The following ZNF827 variants were observed in gnomAD, a reference collection of about 807,000 sequenced individuals.
The protein encoded by ZNF827 is zinc finger protein 827.
In ZNF827, 13 loss-of-function variants were observed where a neutral mutation model predicts 102.4. That is an observed-to-expected ratio of 0.13 (90% CI 0.08 to 0.20). The LOEUF (loss-of-function observed/expected upper bound fraction) is 0.20. Among genes scored for constraint, ZNF827 ranks in the 10% least tolerant of loss-of-function variants. The pLI, the probability that ZNF827 is intolerant of heterozygous loss-of-function variation, is 1.00. For synonymous variants in ZNF827, 523 were observed against 536.2 expected (o/e 0.98, Z 0.34); for missense variants, 1,103 against 1,344.4 (o/e 0.82, Z 2.81).
chr4:145,840,048 T>C (rs1238250986), intron 7 of ZNF827, among the ~76,000 whole-genome samples: 1 of 152,174 alleles, frequency 6.6e-6, no homozygotes, highest in African/African-American at 2.4e-5. Context: ...AGTAGAGGAA[T>C]AGAACAAAGT....
Position 145,775,833 on chromosome 4 carries a change from G to A in ZNF827, c.2649C>T (p.Val883=). 6.2e-7 allele frequency: 1 copy of A among 1,614,194 alleles called. No individual in the cohort carries two copies. The stretch of plus-strand genomic sequence containing the variant: ...TCTTCCCATCACTGCCTTCAGAGGT[G>A]ACGGCGCTGACAATGTCCTCGGTGT... ...STDTEDIVSA[V]TSEGSDGKKH... is the part of the protein sequence containing the mutation. Residue 883 remains valine (V), a synonymous_variant, in exon 10 of 15, where the codon GTC becomes GTT. Transcript: ENST00000508784.
At chr4:145,933,768 A>G (rs1753967029) in intron 1 of ZNF827, among the ~76,000 whole-genome samples, 1 of 150,016 alleles carries the variant, frequency 6.7e-6, no homozygotes, top group Admixed American at 6.6e-5. Flanking sequence ...TAATGAAGAA[A>G]TAAGTGATCA....
chr4:145,868,696 A>C (rs1748420846), intron 5 of ZNF827, among the ~76,000 whole-genome samples: 1 of 152,152 alleles, frequency 6.6e-6, no homozygotes, highest in African/African-American at 2.4e-5. Flanking sequence ...TTGAAATCTC[A>C]TTTTTTGCAT....
intron 1 of ZNF827, among the ~76,000 whole-genome samples, chr4:145,929,035 A>T (rs1753627092): frequency 6.6e-6 from 1 of 152,210 alleles, no homozygotes; most frequent in Non-Finnish European, 1.5e-5. Flanking sequence ...TTTTTATATG[A>T]AACCTCCGAT....
At chr4:145,899,026 C>T (rs932713812) in intron 2 of ZNF827, among the ~76,000 whole-genome samples, 1 of 151,908 alleles carries the variant, frequency 6.6e-6, no homozygotes. Context: ...ATTTTTGTGG[C>T]TTTTTGTTGT....
At chr4:145,923,034 A>G (rs1753188512) in intron 1 of ZNF827, among the ~76,000 whole-genome samples, 1 of 152,212 alleles carries the variant, frequency 6.6e-6, no homozygotes, top group Non-Finnish European at 1.5e-5. Context: ...GTAGATCTAC[A>G]TAACTCAGTG....
intron 8 of ZNF827, among the ~76,000 whole-genome samples, chr4:145,805,863 A>G (rs1741381634): frequency 6.6e-6 from 1 of 152,068 alleles, no homozygotes; most frequent in Admixed American, 6.6e-5. Flanking sequence ...GAGGCAATAC[A>G]GGACTCTCTC....
At chr4:145,846,320 T>C (rs1745932829) in intron 6 of ZNF827, among the ~76,000 whole-genome samples, 1 of 150,978 alleles carries the variant, frequency 6.6e-6, no homozygotes, top group African/African-American at 2.4e-5. Flanking sequence ...CTACTAAAAA[T>C]ACAAAAAATT....
Position 145,768,732 on chromosome 4 carries a change from C to A in ZNF827, c.2861-2994G>T, listed in dbSNP as rs1318307065. Among the ~76,000 whole-genome samples, 3 of 148,566 alleles carry A rather than the reference C, an allele frequency of 2.0e-5. No homozygotes were observed. In the East Asian group the frequency reaches 5.9e-4, roughly 29 times the overall value. On this transcript the variant is annotated intron_variant, in intron 11 of 14. Transcript: ENST00000508784. ...AATTAGCCAGGTGTGGTGGCATATGCCTGTAATCCCAGCTACTTGGGAGGG... is the reference window on the plus strand; with the variant it reads ...AATTAGCCAGGTGTGGTGGCATATGACTGTAATCCCAGCTACTTGGGAGGG...
intron 1 of ZNF827, among the ~76,000 whole-genome samples, chr4:145,922,983 ATAT>A (rs1489394403): frequency 6.6e-6 from 1 of 152,200 alleles, no homozygotes; most frequent in Non-Finnish European, 1.5e-5. Context: ...GTTGATATTA[ATAT>A]TTTTTTTATA....
intron 4 of ZNF827, among the ~76,000 whole-genome samples, chr4:145,880,065 T>C (rs761512492): frequency 6.6e-5 from 10 of 152,098 alleles, no homozygotes; most frequent in Non-Finnish European, 1.5e-5. Context: ...TGAAACCCCA[T>C]CTCTACCAAA....
intron 1 of ZNF827, among the ~76,000 whole-genome samples, chr4:145,914,387 G>A (rs1331676579): frequency 6.6e-6 from 1 of 152,120 alleles, no homozygotes; most frequent in African/African-American, 2.4e-5. Context: ...TATTGTATGA[G>A]AATATTTTTT....
chr4:145,864,409 C>A (rs1459834134), intron 5 of ZNF827, among the ~76,000 whole-genome samples: 3 of 130,166 alleles, frequency 2.3e-5, no homozygotes, highest in African/African-American at 5.8e-5. Context: ...ACATAGCAGA[C>A]CTTGTCTCTA....
In ZNF827 at chr4:145,902,842, C is replaced by T. The variant is rs1239627232; in HGVS notation, c.417G>A (p.Thr139=). The change falls in exon 2 of 15, where the codon ACG becomes ACA. Residue 139 remains threonine, a synonymous_variant. Transcript: ENST00000508784. This position sits in a 1 kb window ranked among gnomAD's most constrained non-coding sequence, Gnocchi z 4.3. ...AGSLKLDAAA[T]ANGRVESPVN... is the part of the protein sequence containing the mutation. ...CGGGGGACTCCACTCTGCCATTAGC[C>T]GTGGCTGCAGCATCGAGTTTGAGGG... is the stretch of plus-strand genomic sequence containing the variant. 4.3e-6 allele frequency: 7 copies of T among 1,614,088 alleles called. No individual in the cohort carries two copies. The highest frequency in any genetic ancestry group is 4.5e-5 in the East Asian group (2 of 44,878).
chr4:145,821,579 T>A (rs1169082295), intron 8 of ZNF827, among the ~76,000 whole-genome samples: 1 of 152,182 alleles, frequency 6.6e-6, no homozygotes, highest in African/African-American at 2.4e-5. Flanking sequence ...TCTTTTTTTT[T>A]TAGCTGCTTA....
chr4:145,784,128 C>T (rs1041780138), intron 8 of ZNF827, among the ~76,000 whole-genome samples: 1 of 152,134 alleles, frequency 6.6e-6, no homozygotes, highest in South Asian at 2.1e-4. Flanking sequence ...CCCCAGAAGC[C>T]AAGCAGATGC....
At chr4:145,791,432 C>T (rs1189995328) in intron 8 of ZNF827, among the ~76,000 whole-genome samples, 11 of 152,124 alleles carry the variant, frequency 7.2e-5, no homozygotes, top group Admixed American at 6.5e-4. Flanking sequence ...GGGACATAAA[C>T]ATTTAGACCA....
intron 5 of ZNF827, among the ~76,000 whole-genome samples, chr4:145,869,956 A>C (rs1271556548): frequency 6.6e-6 from 1 of 152,200 alleles, no homozygotes; most frequent in Non-Finnish European, 1.5e-5. Flanking sequence ...ATTAGAACCC[A>C]TTTAAAATTA....
intron 1 of ZNF827, among the ~76,000 whole-genome samples, chr4:145,904,428 G>A (rs1751666697): frequency 6.6e-6 from 1 of 152,200 alleles, no homozygotes; most frequent in Non-Finnish European, 1.5e-5. Context: ...AGGGAGGATG[G>A]GGAGTAATGG....
Sources: gnomAD v4.1 joint callset for allele counts (sites outside exome capture counted in the v4.1 genomes callset) on GRCh38, gnomAD v4.1.1 for gene constraint, Gnocchi (gnomAD v3.1) non-coding constraint, MANE v1.5 for transcripts, NCBI Gene and HGNC (gene_info 2026-07-23, HGNC 2026-07-21) for gene names.